ARHGAP32: variants seen among roughly 807,000 people sequenced by gnomAD.
The protein encoded by ARHGAP32 is Rho GTPase activating protein 32, also known as rho GTPase-activating protein 32.
ARHGAP32 carries 51 observed loss-of-function variants against 186.5 expected under a neutral mutation model. The ratio of observed to expected loss-of-function variants is 0.27; its 90% CI spans 0.22 to 0.35. The LOEUF (loss-of-function observed/expected upper bound fraction) is 0.35. ARHGAP32 is among the 10% of genes least tolerant of loss of function. The probability of loss-of-function intolerance (pLI) is 1.00; values close to 1 mark genes in which losing one functional copy is unlikely to be tolerated. For synonymous variants in ARHGAP32, 950 were observed against 964.3 expected (o/e 0.99, Z 0.27); for missense variants, 2,186 against 2,623.5 (o/e 0.83, Z 3.64).
intron 1 of ARHGAP32, among the ~76,000 whole-genome samples, chr11:129,178,380 T>C (rs1342661498): frequency 2.7e-5 from 4 of 150,650 alleles, no homozygotes; most frequent in South Asian, 4.2e-4. Context: ...AGGTAATTTA[T>C]AGATTCAATG....
intron 1 of ARHGAP32, among the ~76,000 whole-genome samples, chr11:129,211,541 C>T (rs1944582768): frequency 6.6e-6 from 1 of 152,060 alleles, no homozygotes; most frequent in Admixed American, 6.6e-5. Flanking sequence ...CTATGCAAGC[C>T]GAAAGTCAGG....
chr11:129,215,130 C>A (rs529336309), intron 1 of ARHGAP32, among the ~76,000 whole-genome samples: 2 of 152,166 alleles, frequency 1.3e-5, no homozygotes, highest in Non-Finnish European at 2.9e-5. Context: ...CAGTAACTCA[C>A]GTGCTGCTAT....
At chr11:129,264,212 A>G (rs1945362186) in intron 1 of ARHGAP32, among the ~76,000 whole-genome samples, 1 of 152,326 alleles carries the variant, frequency 6.6e-6, no homozygotes, top group South Asian at 2.1e-4. Context: ...GGAAACAGAA[A>G]GTAGAATGTG....
At chr11:129,035,793 G>A (rs564384159) in intron 11 of ARHGAP32, among the ~76,000 whole-genome samples, 2 of 151,938 alleles carry the variant, frequency 1.3e-5, no homozygotes, top group African/African-American at 2.4e-5. Flanking sequence ...GCAGTGAGCC[G>A]AGATCACGCC....
intron 11 of ARHGAP32, among the ~76,000 whole-genome samples, chr11:129,026,875 A>G (rs914723894): frequency 1.3e-4 from 19 of 150,322 alleles, no homozygotes; most frequent in African/African-American, 4.6e-4. Context: ...TGAGGAGGGC[A>G]GATCACAAAG....
chr11:128,971,325 GTGC>G, intron 22 of ARHGAP32, 166 bp from the exon 23 acceptor site: 1 of 589,028 alleles, frequency 1.7e-6, no homozygotes, highest in Non-Finnish European at 2.9e-6. Flanking sequence ...AAGAAGGCTT[GTGC>G]TGCTATTTTG....
intron 6 of ARHGAP32, among the ~76,000 whole-genome samples, chr11:129,076,912 A>G (rs471616): frequency 0.13 from 19,614 of 152,222 alleles, 1,384 homozygotes; most frequent in South Asian, 0.32. Flanking sequence ...AAACTCCATG[A>G]GACAGCTGAA....
chr11:129,182,288 T>C (rs898272402), intron 1 of ARHGAP32, among the ~76,000 whole-genome samples: 20 of 152,098 alleles, frequency 1.3e-4, no homozygotes, highest in African/African-American at 4.8e-4. Flanking sequence ...AAACAAATTT[T>C]CTACAGTAAA....
intron 1 of ARHGAP32, among the ~76,000 whole-genome samples, chr11:129,267,049 GAGA>G (rs1440768569): frequency 2.0e-4 from 30 of 152,332 alleles, no homozygotes; most frequent in Admixed American, 1.4e-3. Context: ...GCCTGGGGAA[GAGA>G]AGAAGACCTC....
intron 1 of ARHGAP32, among the ~76,000 whole-genome samples, chr11:129,165,242 A>C (rs893773947): frequency 6.6e-6 from 1 of 152,034 alleles, no homozygotes; most frequent in Non-Finnish European, 1.5e-5. Context: ...ACAAATATGT[A>C]GGACAGGATG....
At chr11:129,205,426 C>T (rs1944503845) in intron 1 of ARHGAP32, among the ~76,000 whole-genome samples, 1 of 152,102 alleles carries the variant, frequency 6.6e-6, no homozygotes, top group African/African-American at 2.4e-5. Flanking sequence ...TTGGAAACAA[C>T]AGTATTATCC....
At chr11:129,118,284 A>T (rs1436574985) in intron 5 of ARHGAP32, among the ~76,000 whole-genome samples, 1 of 152,002 alleles carries the variant, frequency 6.6e-6, no homozygotes, top group East Asian at 1.9e-4. Flanking sequence ...TTGAGAGGCA[A>T]ATCCTAGTAG....
chr11:129,065,408 C>A (rs566405831), intron 7 of ARHGAP32, among the ~76,000 whole-genome samples: 5 of 152,110 alleles, frequency 3.3e-5, no homozygotes, highest in African/African-American at 1.2e-4. Context: ...TTAGTTGGAC[C>A]AATCAAGAGC....
At chr11:129,111,488 T>A (rs1427190984) in intron 5 of ARHGAP32, among the ~76,000 whole-genome samples, 2 of 152,216 alleles carry the variant, frequency 1.3e-5, no homozygotes, top group African/African-American at 4.8e-5. Flanking sequence ...TAGTTCTTTG[T>A]AAGCTTGGTA....
At chr11:129,152,928 T>C (rs1943320586) in intron 2 of ARHGAP32, among the ~76,000 whole-genome samples, 1 of 152,046 alleles carries the variant, frequency 6.6e-6, no homozygotes, top group Non-Finnish European at 1.5e-5. Context: ...TCCAAATCAG[T>C]AAAGAGGAAG....
intron 6 of ARHGAP32, among the ~76,000 whole-genome samples, chr11:129,091,899 G>A (rs939087817): frequency 2.0e-5 from 3 of 151,936 alleles, no homozygotes; most frequent in African/African-American, 7.2e-5. Context: ...TATGATTCTA[G>A]GCTAATATGG....
chr11:129,145,662 A>T (rs1943153942), intron 2 of ARHGAP32, among the ~76,000 whole-genome samples: 1 of 152,182 alleles, frequency 6.6e-6, no homozygotes, highest in Non-Finnish European at 1.5e-5. Flanking sequence ...GATTAACAAT[A>T]GTCACATGCT....
chr11:129,126,336 C>T (rs1942659209), intron 2 of ARHGAP32, among the ~76,000 whole-genome samples: 1 of 152,094 alleles, frequency 6.6e-6, no homozygotes, highest in Admixed American at 6.6e-5. Context: ...AAACAGGCAT[C>T]CAACAAGGTA....
chr11:129,051,200 T>A (rs1940026967), intron 10 of ARHGAP32, among the ~76,000 whole-genome samples: 1 of 152,210 alleles, frequency 6.6e-6, no homozygotes, highest in South Asian at 2.1e-4. Flanking sequence ...TGGTTCTAGA[T>A]CCTTGAGGAA....
Sources: allele counts gnomAD v4.1 joint callset (sites outside exome capture counted in the v4.1 genomes callset), GRCh38; gene constraint gnomAD v4.1.1; transcripts MANE v1.5; gene names NCBI Gene and HGNC (gene_info 2026-07-23, HGNC 2026-07-21).